The following CABCOCO1 variants were observed in gnomAD, a reference collection of about 807,000 sequenced individuals.
CABCOCO1 encodes ciliary-associated calcium-binding coiled-coil protein 1.
Under a neutral mutation model 35.7 loss-of-function variants are expected in CABCOCO1, and 28 were observed. The observed-to-expected ratio is 0.78, with a 90% CI of 0.58 to 1.07. The LOEUF (loss-of-function observed/expected upper bound fraction) is 1.07. Among genes scored for constraint, CABCOCO1 ranks in the 50% least tolerant of loss-of-function variants. CABCOCO1 has a pLI of 0.00. For missense variants in CABCOCO1, 326 were observed against 309.2 expected (o/e 1.05, Z -0.41); for synonymous variants, 95 against 100.1 (o/e 0.95, Z 0.30).
At chr10:61,671,687 C>T (rs1402681493) in intron 1 of CABCOCO1, among the ~76,000 whole-genome samples, 1 of 152,162 alleles carries the variant, frequency 6.6e-6, no homozygotes, top group Non-Finnish European at 1.5e-5. Flanking sequence ...CAGCCCAACG[C>T]TTCATCCCTG....
intron 2 of CABCOCO1, among the ~76,000 whole-genome samples, chr10:61,677,811 G>GTT (rs35492889): frequency 0.024 from 1,417 of 60,086 alleles, no homozygotes; most frequent in East Asian, 0.034. Context: ...TTTTTTGGGT[G>GTT]TTTTTTTTTT....
At chr10:61,757,680 C>G (rs1016268485) in intron 5 of CABCOCO1, among the ~76,000 whole-genome samples, 3 of 130,510 alleles carry the variant, frequency 2.3e-5, no homozygotes, top group African/African-American at 8.8e-5. Context: ...AAGTGTGTGC[C>G]CAGTACACAC....
chr10:61,716,957 T>C (rs898007191), intron 5 of CABCOCO1, among the ~76,000 whole-genome samples: 2 of 151,894 alleles, frequency 1.3e-5, no homozygotes, highest in Non-Finnish European at 2.9e-5. Flanking sequence ...AACTAAATAA[T>C]AGTTGTGTGT....
rs150798723 is a variant in CABCOCO1 at position 61,765,957 on chromosome 10, C to T, written c.835C>T (p.Leu279=). 9 of 1,613,208 alleles carry T rather than the reference C, an allele frequency of 5.6e-6. No homozygotes were observed. Among genetic ancestry groups the T allele is most frequent in the Middle Eastern group, 1.7e-4 (1 of 6,058 alleles). ...TTCACAGACCGAGATAAACGAAAAA[C>T]TGCAAATACAGGAAGAGGCCTTTAA... ...IGIQTEINEK[L]QIQEEAFNAR... is the part of the protein sequence containing the mutation. The change falls in exon 8 of 8, where the codon CTG becomes TTG. Residue 279 remains leucine (L), a synonymous_variant. Coordinates refer to ENST00000648843, the MANE Select transcript of CABCOCO1 (RefSeq NM_001366906.2).
intron 5 of CABCOCO1, among the ~76,000 whole-genome samples, chr10:61,716,689 A>T (rs1448937403): frequency 2.6e-5 from 4 of 152,156 alleles, no homozygotes; most frequent in Non-Finnish European, 5.9e-5. Flanking sequence ...TCTCCTCTAC[A>T]TTTTAAATAA....
chr10:61,713,483 C>A (rs1468453353), intron 5 of CABCOCO1, among the ~76,000 whole-genome samples: 1 of 152,126 alleles, frequency 6.6e-6, no homozygotes, highest in Non-Finnish European at 1.5e-5. Context: ...TCCTCTTTTC[C>A]TAATTGAATA....
In CABCOCO1 at chr10:61,766,003, A is replaced by G; in HGVS notation, c.881A>G (p.Lys294Arg). The change falls in exon 8 of 8, where the codon AAA (lysine) becomes AGA (arginine). Residue 294 changes from lysine to arginine, a missense_variant. By Grantham distance (26) the Lys-to-Arg change is conservative. Coordinates refer to ENST00000648843, the MANE Select transcript of CABCOCO1 (RefSeq NM_001366906.2). ...TTTAATGCACGAATAGAAAAATTGA[A>G]AAAGGCCTAAGGACTTGGTACAAGG... Reference protein sequence around the residue: ...EAFNARIEKLKKA With the variant: ...EAFNARIEKLRKA 1 of 1,612,902 alleles carries G rather than the reference A, an allele frequency of 6.2e-7. No homozygotes were observed. The highest frequency in any genetic ancestry group is 8.5e-7 in the Non-Finnish European group (1 of 1,179,082).
chr10:61,739,490 G>GT (rs1208080561), intron 5 of CABCOCO1, among the ~76,000 whole-genome samples: 1 of 152,284 alleles, frequency 6.6e-6, no homozygotes, highest in African/African-American at 2.4e-5. Flanking sequence ...CATGAGACTG[G>GT]TATGATAACA....
intron 5 of CABCOCO1, among the ~76,000 whole-genome samples, chr10:61,735,056 G>T (rs776819137): frequency 3.9e-5 from 6 of 152,140 alleles, no homozygotes; most frequent in Admixed American, 6.5e-5. Context: ...CCAAGGCCAG[G>T]AATACATAAA....
chr10:61,721,074 G>A (rs1390760881), intron 5 of CABCOCO1, among the ~76,000 whole-genome samples: 1 of 151,438 alleles, frequency 6.6e-6, no homozygotes, highest in African/African-American at 2.4e-5. Flanking sequence ...ACACGCGCCC[G>A]CCACCACGCC....
chr10:61,694,099 C>T (rs765990981), intron 5 of CABCOCO1, among the ~76,000 whole-genome samples: 4 of 151,426 alleles, frequency 2.6e-5, no homozygotes, highest in Middle Eastern at 3.4e-3. Flanking sequence ...AAAGGGACTT[C>T]GAGGATTTGA....
At chr10:61,757,588 T>C (rs1841923612) in intron 5 of CABCOCO1, among the ~76,000 whole-genome samples, 1 of 151,936 alleles carries the variant, frequency 6.6e-6, no homozygotes, top group Admixed American at 6.6e-5. Flanking sequence ...AAAGCTCAAC[T>C]CTCAGTCAGA....
rs907806052 is a variant in CABCOCO1 at position 61,751,189 on chromosome 10, C to T, written c.553-8870C>T. On this transcript the variant is annotated intron_variant, in intron 5 of 7. Coordinates refer to ENST00000648843, the MANE Select transcript of CABCOCO1 (RefSeq NM_001366906.2). ...GCTTCCTCCACCCCTTGCTTTGCTT[C>T]GCTCTGCTTTGCTTTGCCTTGCTCT... is the stretch of plus-strand genomic sequence containing the variant. 4.8e-5 allele frequency among the ~76,000 whole-genome samples: 7 copies of T among 145,162 alleles called. No homozygotes were observed. The East Asian group carries it at 8.5e-4, about 18-fold the overall frequency.
intron 5 of CABCOCO1, among the ~76,000 whole-genome samples, chr10:61,696,227 T>C (rs1277252329): frequency 6.6e-6 from 1 of 152,060 alleles, no homozygotes. Context: ...ATTTAATAAG[T>C]CAAGGATGCC....
At chr10:61,765,740 T>C (rs1210841269) in intron 7 of CABCOCO1, among the ~76,000 whole-genome samples, 199 bp from the exon 8 acceptor site, 1 of 152,270 alleles carries the variant, frequency 6.6e-6, no homozygotes, top group Non-Finnish European at 1.5e-5. Flanking sequence ...AGACATGCTA[T>C]ACATTGGAAA....
At chr10:61,672,584 T>C (rs887454408) in intron 1 of CABCOCO1, 48 bp from the exon 2 acceptor site, 5 of 439,222 alleles carry the variant, frequency 1.1e-5, no homozygotes, top group African/African-American at 1.1e-4. Flanking sequence ...GGGTTTAATA[T>C]ATGAAACGTA....
intron 5 of CABCOCO1, among the ~76,000 whole-genome samples, chr10:61,723,583 G>A (rs1841074485): frequency 6.6e-6 from 1 of 152,166 alleles, no homozygotes; most frequent in African/African-American, 2.4e-5. Context: ...TCTGGAGTCT[G>A]GAAGCCCAAG....
At chr10:61,707,683 T>C (rs894154616) in intron 5 of CABCOCO1, among the ~76,000 whole-genome samples, 2 of 152,164 alleles carry the variant, frequency 1.3e-5, no homozygotes, top group Non-Finnish European at 2.9e-5. Context: ...AGCTTATGTG[T>C]TTTTAATCAC....
At chr10:61,739,695 T>C (rs1426614046) in intron 5 of CABCOCO1, among the ~76,000 whole-genome samples, 1 of 152,194 alleles carries the variant, frequency 6.6e-6, no homozygotes, top group African/African-American at 2.4e-5. Context: ...CTCATGCCTG[T>C]AATCCCAGCA....
Sources: gnomAD v4.1 joint callset for allele counts (sites outside exome capture counted in the v4.1 genomes callset) on GRCh38, gnomAD v4.1.1 for gene constraint, MANE v1.5 for transcripts, NCBI Gene and HGNC (gene_info 2026-07-23, HGNC 2026-07-21) for gene names.